Variants in PCSK9 observed in about 807,000 individuals in gnomAD.
The protein encoded by PCSK9 is convertase subtilisin/kexin type 9 preproprotein.
A neutral mutation model predicts 62.1 loss-of-function variants in PCSK9; 57 were observed. That is an observed-to-expected ratio of 0.92 (90% CI 0.74 to 1.14). The LOEUF (loss-of-function observed/expected upper bound fraction) is 1.14, where lower values mean the gene tolerates loss of function less well. Among genes scored for constraint, PCSK9 ranks in the 50% most tolerant of loss-of-function variants. The pLI is 0.00. For synonymous variants in PCSK9, 387 were observed against 409.4 expected (o/e 0.95, Z 0.66); for missense variants, 870 against 959.8 (o/e 0.91, Z 1.24).
At chr1:55,057,068 C>CTGT (rs1553137513) in intron 6 of PCSK9, among the ~76,000 whole-genome samples, 2 of 151,888 alleles carry the variant, frequency 1.3e-5, no homozygotes, top group African/African-American at 4.8e-5. Flanking sequence ...CGAATAGTTT[C>CTGT]CTATCTCCCC....
intron 11 of PCSK9, 121 bp from the exon 12 acceptor site, chr1:55,063,248 G>A: frequency 9.2e-7 from 1 of 1,081,358 alleles, no homozygotes; most frequent in Non-Finnish European, 1.4e-6. Context: ...AATGGGCTCT[G>A]AGCCAGCGAG....
chr1:55,061,917 G>A (rs1468456246), intron 11 of PCSK9, among the ~76,000 whole-genome samples: 2 of 152,154 alleles, frequency 1.3e-5, no homozygotes, highest in Admixed American at 1.3e-4. Context: ...CAAATTCCTG[G>A]GCTCAAGCAA....
rs1301884424 is a variant in PCSK9 at position 55,058,030 on chromosome 1, C to A, written c.1181-6C>A. On this transcript the variant is annotated splice_polypyrimidine_tract_variant and splice_region_variant and intron_variant, in intron 7 of 11. Coordinates refer to ENST00000302118, the MANE Select transcript of PCSK9 (RefSeq NM_174936.4). Reference sequence around the variant, plus strand: ...CACCATCTTTCACCATTCACCCCTGCACCAGGCATTGCAGCCATGATGCTG... The same window carrying A: ...CACCATCTTTCACCATTCACCCCTGAACCAGGCATTGCAGCCATGATGCTG... 6.2e-7 allele frequency: 1 copy of A among 1,613,554 alleles called. No individual in the cohort carries two copies. Among genetic ancestry groups the A allele is most frequent in the Non-Finnish European group, 8.5e-7 (1 of 1,180,044 alleles).
At chr1:55,062,937 G>A (rs796223968) in intron 11 of PCSK9, among the ~76,000 whole-genome samples, 11 of 152,262 alleles carry the variant, frequency 7.2e-5, no homozygotes, top group African/African-American at 1.9e-4. Flanking sequence ...GCGTTGGGGC[G>A]GGGCTCAGGC....
At position 55,056,118 on chromosome 1, in the gene PCSK9, G is replaced by T; in HGVS notation, c.925G>T (p.Val309Phe). 6.3e-7 allele frequency: 1 copy of T among 1,579,052 alleles called. No homozygotes were observed. Among genetic ancestry groups the T allele is most frequent in the Non-Finnish European group, 8.6e-7 (1 of 1,157,642 alleles). The change falls in exon 6 of 12, where the codon GTC becomes TTC. Residue 309 changes from valine to phenylalanine, a missense_variant. Transcript: ENST00000302118. The stretch of plus-strand genomic sequence containing the variant: ...CTGCCAGCGCCTGGCGAGGGCTGGG[G>T]TCGTGCTGGTCACCGCTGCCGGCAA... Reference protein sequence around the residue: ...AACQRLARAGVVLVTAAGNFR... With the variant: ...AACQRLARAGFVLVTAAGNFR...
intron 5 of PCSK9, among the ~76,000 whole-genome samples, chr1:55,053,109 A>G (rs2100300841): frequency 6.6e-6 from 1 of 152,112 alleles, no homozygotes; most frequent in East Asian, 1.9e-4. Context: ...TTGTTATGTT[A>G]TCTTCAATGT....
Position 55,044,441 on chromosome 1 carries a change from G to T in PCSK9, c.399+407G>T, listed in dbSNP as rs145055674. Among the ~76,000 whole-genome samples, 232 of 152,168 alleles carry T rather than the reference G, an allele frequency of 1.5e-3. 1 individual carries two copies. Among genetic ancestry groups the T allele is most frequent in the African/African-American group, 5.4e-3 (226 of 41,512 alleles). On this transcript the variant is annotated intron_variant, in intron 2 of 11. Coordinates refer to ENST00000302118, the MANE Select transcript of PCSK9 (RefSeq NM_174936.4). ...ATTTTATAAAAAAGCATGACTCTAG[G>T]GTCCAAAATTCCTTTGAAGCTGTTG...
chr1:55,058,329 T>A, intron 8 of PCSK9, 120 bp downstream of exon 8: 1 of 1,482,898 alleles, frequency 6.7e-7, no homozygotes, highest in Non-Finnish European at 9.2e-7. Context: ...TAAATAGGAT[T>A]AAATGAGAAT....
chr1:55,051,675 C>G, intron 3 of PCSK9: 1 of 205,842 alleles, frequency 4.9e-6, no homozygotes, highest in East Asian at 1.4e-4. Context: ...GGTAGGCGCT[C>G]GGTGACTGTT....
rs1202472675 is a variant in PCSK9 at position 55,063,404 on chromosome 1, T to A, written c.1899T>A (p.Thr633=). ...TVACEEGWTL[T]GCSALPGTSH... Reference sequence around the variant, plus strand: ...CCTGCGAGGAGGGCTGGACCCTGACTGGCTGCAGTGCCCTCCCTGGGACCT... The same window carrying A: ...CCTGCGAGGAGGGCTGGACCCTGACAGGCTGCAGTGCCCTCCCTGGGACCT... Residue 633 remains threonine (T), a synonymous_variant, in exon 12 of 12, where the codon ACT becomes ACA. Coordinates refer to ENST00000302118, the MANE Select transcript of PCSK9 (RefSeq NM_174936.4). 1 of 1,613,776 alleles carries A rather than the reference T, an allele frequency of 6.2e-7. No individual in the cohort carries two copies. Among genetic ancestry groups the A allele is most frequent in the Non-Finnish European group, 8.5e-7 (1 of 1,179,944 alleles).
chr1:55,043,896 C>G lies in PCSK9; in HGVS notation c.261C>G (p.His87Gln). 1 of 1,614,194 alleles carries G rather than the reference C, an allele frequency of 6.2e-7. No individual in the cohort carries two copies. Among genetic ancestry groups the G allele is most frequent in the Non-Finnish European group, 8.5e-7 (1 of 1,180,044 alleles). Residue 87 changes from histidine to glutamine, a missense_variant, in exon 2 of 12, where the codon CAC becomes CAG. By Grantham distance (24) the His-to-Gln change is conservative. Coordinates refer to ENST00000302118, the MANE Select transcript of PCSK9 (RefSeq NM_174936.4). Reference sequence around the variant, plus strand: ...TGGTGGTGCTGAAGGAGGAGACCCACCTCTCGCAGTCAGAGCGCACTGCCC... The same window carrying G: ...TGGTGGTGCTGAAGGAGGAGACCCAGCTCTCGCAGTCAGAGCGCACTGCCC... Reference protein sequence around the residue: ...TYVVVLKEETHLSQSERTARR... With the variant: ...TYVVVLKEETQLSQSERTARR...
chr1:55,059,733 C>G, intron 10 of PCSK9, 70 bp downstream of exon 10: 1 of 1,514,242 alleles, frequency 6.6e-7, no homozygotes, highest in Non-Finnish European at 8.9e-7. Context: ...GCCCGCGAGG[C>G]TTGGTCCTCA....
In PCSK9 at chr1:55,039,775, G is replaced by A; in HGVS notation, c.-63G>A. The A allele has an allele frequency of 6.4e-7, 1 of 1,550,508 alleles. No individual in the cohort carries two copies. Among genetic ancestry groups the A allele is most frequent in the South Asian group, 1.2e-5 (1 of 84,692 alleles). On this transcript the variant is annotated 5_prime_UTR_variant, in exon 1 of 12. Transcript: ENST00000302118. ...CCACCGCAAGGCTCAAGGCGCCGCCGGCGTGGACCGCGCACGGCCTCTAGG... is the reference window on the plus strand; with the variant it reads ...CCACCGCAAGGCTCAAGGCGCCGCCAGCGTGGACCGCGCACGGCCTCTAGG...
rs1644616214 is a variant in PCSK9, at chr1:55,043,973, A to G, written c.338A>G (p.His113Arg). The change falls in exon 2 of 12, where the codon CAT (histidine) becomes CGT (arginine). Residue 113 changes from histidine (H) to arginine (R), a missense_variant. Coordinates refer to ENST00000302118, the MANE Select transcript of PCSK9 (RefSeq NM_174936.4). ...CGGGGATACCTCACCAAGATCCTGC[A>G]TGTCTTCCATGGCCTTCTTCCTGGC... is the stretch of plus-strand genomic sequence containing the variant. ...ARRGYLTKIL[H>R]VFHGLLPGFL... 1 of 1,614,198 alleles carries G rather than the reference A, an allele frequency of 6.2e-7. No individual in the cohort carries two copies. The highest frequency in any genetic ancestry group is 8.5e-7 in the Non-Finnish European group (1 of 1,180,038).
chr1:55,058,266 C>T, intron 8 of PCSK9, 57 bp downstream of exon 8: 2 of 1,575,002 alleles, frequency 1.3e-6, no homozygotes, highest in South Asian at 2.3e-5. Flanking sequence ...GTCTGTGTGA[C>T]CTTGACAGTC....
At chr1:55,044,183 C>T in intron 2 of PCSK9, 149 bp downstream of exon 2, 1 of 949,164 alleles carries the variant, frequency 1.1e-6, no homozygotes, top group Non-Finnish European at 1.7e-6. Context: ...AGCACAGTAA[C>T]TACTGGCTTT....
intron 2 of PCSK9, among the ~76,000 whole-genome samples, chr1:55,044,793 G>A (rs1206995995): frequency 2.6e-5 from 4 of 152,130 alleles, no homozygotes; most frequent in Non-Finnish European, 2.9e-5. Context: ...TCAGAGTCTG[G>A]AGTCTGGACC....
chr1:55,056,336 G>A, intron 6 of PCSK9, 147 bp downstream of exon 6: 1 of 939,088 alleles, frequency 1.1e-6, no homozygotes, highest in Middle Eastern at 3.6e-4. Context: ...GCTTTGGAAG[G>A]AGTCGTCAGA....
chr1:55,050,117 C>G (rs1055394454), intron 3 of PCSK9, among the ~76,000 whole-genome samples: 1 of 152,238 alleles, frequency 6.6e-6, no homozygotes, highest in Admixed American at 6.5e-5. Flanking sequence ...CTGTATTCCC[C>G]GGGCTGTCTG....
Sources: gnomAD v4.1 joint callset for allele counts (sites outside exome capture counted in the v4.1 genomes callset) on GRCh38, gnomAD v4.1.1 for gene constraint, MANE v1.5 for transcripts, NCBI Gene and HGNC (gene_info 2026-07-23, HGNC 2026-07-21) for gene names.